The following SERINC2 variants were observed in gnomAD, a reference collection of about 807,000 sequenced individuals.
The protein encoded by SERINC2 is tumor differentially expressed protein 2.
In SERINC2, 56 loss-of-function variants were observed where a neutral mutation model predicts 54.2. The ratio of observed to expected loss-of-function variants is 1.03; its 90% confidence interval spans 0.83 to 1.29. The LOEUF (loss-of-function observed/expected upper bound fraction) is 1.29, where lower values mean the gene tolerates loss of function less well. Ranked by LOEUF, SERINC2 falls within the 50% of genes most tolerant of loss-of-function variation. SERINC2 has a pLI of 0.00. For missense variants in SERINC2, 614 were observed against 607.4 expected (o/e 1.01, Z -0.12); for synonymous variants, 272 against 253.1 (o/e 1.07, Z -0.71).
chr1:31,413,731 CTCCTGGCG>C lies in SERINC2; in HGVS notation c.39+428_39+435del. 1 of 1,315,404 alleles carries C rather than the reference CTCCTGGCG, an allele frequency of 7.6e-7. No individual in the cohort carries two copies. Among genetic ancestry groups the C allele is most frequent in the Non-Finnish European group, 9.6e-7 (1 of 1,036,388 alleles). 81.5% of individuals were successfully genotyped at this position (1,315,404 alleles called of 1,614,324 possible). A position where few individuals can be genotyped will look rare whatever the true frequency, so the allele number is the denominator to read the frequency against. ...TGTGTAGGTCGCCCGGGCCCCGTCC[CTCCTGGCG>C]AGTGCCCTGCCCTACCCCTCTGGCC... On this transcript the variant is annotated intron_variant, in intron 1 of 9. Transcript: ENST00000373709. The surrounding 1 kb of genome is among the most constrained non-coding windows in gnomAD (Gnocchi z 5.0).
chr1:31,427,257 C>G (rs182231046), intron 6 of SERINC2, among the ~76,000 whole-genome samples: 65 of 152,258 alleles, frequency 4.3e-4, no homozygotes, highest in African/African-American at 1.5e-3. Context: ...TAGGAAGGTG[C>G]AATTTCACAT....
chr1:31,413,977 C>T lies in SERINC2; in HGVS notation c.39+673C>T, dbSNP rs782382257. On this transcript the variant is annotated intron_variant, in intron 1 of 9. Coordinates refer to ENST00000373709, the MANE Select transcript of SERINC2 (RefSeq NM_178865.5). This position sits in a 1 kb window ranked among gnomAD's most constrained non-coding sequence, Gnocchi z 5.0. ...CTGCCTCTCAGGCACTTCCCCAGCT[C>T]GCCCCGGATCATCTGGGCCCCAGCG... The T allele has an allele frequency of 1.3e-4, 206 of 1,529,094 alleles. No homozygotes were observed. Among genetic ancestry groups the T allele is most frequent in the Non-Finnish European group, 3.2e-5 (37 of 1,144,400 alleles). The allele number at this position is 1,529,094 out of a possible 1,614,324, so 94.7% of individuals were successfully genotyped here. A position where few individuals can be genotyped will look rare whatever the true frequency, so the allele number is the denominator to read the frequency against.
At chr1:31,428,282 T>C (rs1641097452) in intron 6 of SERINC2, among the ~76,000 whole-genome samples, 1 of 151,934 alleles carries the variant, frequency 6.6e-6, no homozygotes, top group African/African-American at 2.4e-5. Context: ...TCAAACCATC[T>C]GCCCGCCTCA....
intron 4 of SERINC2, among the ~76,000 whole-genome samples, 153 bp downstream of exon 4, chr1:31,425,562 T>C (rs1410887163): frequency 6.6e-6 from 1 of 152,146 alleles, no homozygotes; most frequent in Non-Finnish European, 1.5e-5. Context: ...AGCACTGTGG[T>C]GCTTGGCCAC....
intron 8 of SERINC2, among the ~76,000 whole-genome samples, chr1:31,431,956 G>C (rs868929254): frequency 4.8e-5 from 7 of 145,502 alleles, no homozygotes; most frequent in African/African-American, 1.5e-4. Flanking sequence ...GGTTAGGGTG[G>C]TTAGGGTGGA....
At chr1:31,414,609 GTGTGCGTGTGCA>G (rs1342645895) in intron 1 of SERINC2, 7 of 985,824 alleles carry the variant, frequency 7.1e-6, no homozygotes, top group East Asian at 1.1e-4. Context: ...TCGTGTGTGT[GTGTGCGTGTGCA>G]TGTGCGTGTG....
intron 6 of SERINC2, among the ~76,000 whole-genome samples, chr1:31,427,763 G>T (rs551251357): frequency 6.6e-6 from 1 of 151,958 alleles, no homozygotes; most frequent in African/African-American, 2.4e-5. Context: ...GGGGAGCTGG[G>T]ATTCAAACCC....
intron 8 of SERINC2, among the ~76,000 whole-genome samples, chr1:31,432,505 C>T (rs543803175): frequency 2.0e-5 from 3 of 152,086 alleles, no homozygotes; most frequent in South Asian, 2.1e-4. Context: ...AACTTAAAAT[C>T]AATGGCAAAT....
chr1:31,417,849 A>ATTTTTTTTTT (rs1640815588), intron 1 of SERINC2, among the ~76,000 whole-genome samples: 1 of 65,850 alleles, frequency 1.5e-5, no homozygotes, highest in Admixed American at 2.0e-4. Context: ...TCAAAATTTC[A>ATTTTTTTTTT]TTCTTTTTTT....
rs782516793 is a variant in SERINC2 at position 31,425,415 on chromosome 1, C to T, written c.472+6C>T. 2.1e-5 allele frequency: 34 copies of T among 1,600,098 alleles called. No individual in the cohort carries two copies. The highest frequency in any genetic ancestry group is 4.5e-5 in the East Asian group (2 of 44,824). On this transcript the variant is annotated splice_donor_region_variant and intron_variant, in intron 4 of 9. Transcript: ENST00000373709. ...TGACGGCTCCTTCACCAACAGTAGG[C>T]GGACTTGGCAGGAGGCATGGGGGGC... is the stretch of plus-strand genomic sequence containing the variant.
At chr1:31,409,933 C>T (rs2148507210), upstream of SERINC2, 2 of 1,303,882 alleles carry the variant, frequency 1.5e-6, no homozygotes, top group South Asian at 1.4e-5. Context: ...GATTTGAAAA[C>T]TCAGGCCCAG....
Position 31,424,752 on chromosome 1 carries a change from C to T in SERINC2, c.271C>T (p.Leu91=). ...VLQGHIDCGS[L]LGYRAVYRMC... is the part of the protein sequence containing the mutation. ...GCAGGGCCACATCGACTGTGGCTCCCTGCTTGGCTACCGCGCTGTCTACCG... is the reference window on the plus strand; with the variant it reads ...GCAGGGCCACATCGACTGTGGCTCCTTGCTTGGCTACCGCGCTGTCTACCG... The change falls in exon 3 of 10, where the codon CTG becomes TTG. Residue 91 remains leucine (L), a synonymous_variant. Transcript: ENST00000373709. 1 of 1,611,276 alleles carries T rather than the reference C, an allele frequency of 6.2e-7. No homozygotes were observed. Among genetic ancestry groups the T allele is most frequent in the Non-Finnish European group, 8.5e-7 (1 of 1,178,996 alleles).
At chr1:31,433,779 A>C (rs1374653575) in intron 9 of SERINC2, among the ~76,000 whole-genome samples, 2 of 152,112 alleles carry the variant, frequency 1.3e-5, no homozygotes, top group Non-Finnish European at 2.9e-5. Context: ...CAGGGTCCCA[A>C]GTTCAGAGGC....
chr1:31,433,048 G>GCAA lies in SERINC2; in HGVS notation c.1097_1098insACA (p.Gln368dup), dbSNP rs1641364153. The GCAA allele has an allele frequency of 6.2e-7, 1 of 1,612,630 alleles. No homozygotes were observed. Among genetic ancestry groups the GCAA allele is most frequent in the African/African-American group, 1.3e-5 (1 of 74,914 alleles). On this transcript the variant is annotated inframe_insertion, in exon 9 of 10. Coordinates refer to ENST00000373709, the MANE Select transcript of SERINC2 (RefSeq NM_178865.5). Reference sequence around the variant, plus strand: ...CACCTATGCTAGACGCCACACAGCAGCAGCAGCAGGTGGCAGCCTGTGAGG... The same window carrying GCAA: ...CACCTATGCTAGACGCCACACAGCAGCAACAGCAGCAGGTGGCAGCCTGTGAGG...
chr1:31,433,183 C>A lies in SERINC2; in HGVS notation c.1230C>A (p.Tyr410Ter). ...TCATGATGACGCTCACCAACTGGTA[C>A]AAGTGCGTAGCTGGTGGGGCATGGA... ...LHVMMTLTNW[Y>*]KPGETRKMIS... The change falls in exon 9 of 10, where the codon TAC (tyrosine) becomes TAA (stop). Residue 410 changes from tyrosine (Y) to a stop codon, truncating the protein, a stop_gained and splice_region_variant. Transcript: ENST00000373709. LOFTEE classifies it high-confidence loss of function. The A allele has an allele frequency of 1.2e-6, 2 of 1,612,962 alleles. No homozygotes were observed. The highest frequency in any genetic ancestry group is 1.7e-6 in the Non-Finnish European group (2 of 1,179,420).
Position 31,423,817 on chromosome 1 carries a change from T to C in SERINC2, c.164T>C (p.Ile55Thr). Residue 55 changes from isoleucine (I) to threonine (T), a missense_variant, in exon 2 of 10, where the codon ATT (isoleucine) becomes ACT (threonine). Physicochemically the swap from Ile to Thr is moderately conservative, Grantham distance 89 (BLOSUM62 -1). Transcript: ENST00000373709. The stretch of plus-strand genomic sequence containing the variant: ...TTCCTGGGGGTGCTGGTGTCCATCA[T>C]TATGCTGAGCCCGGGCGTGGAGAGT... ...FLFLGVLVSI[I>T]MLSPGVESQL... The C allele has an allele frequency of 1.2e-6, 2 of 1,614,016 alleles. No individual in the cohort carries two copies. Among genetic ancestry groups the C allele is most frequent in the South Asian group, 1.1e-5 (1 of 91,072 alleles).
rs1553134741 is a variant in SERINC2, at chr1:31,432,154, GAC to G, written c.1014-811_1014-810del. 8.4e-5 allele frequency among the ~76,000 whole-genome samples: 12 copies of G among 142,566 alleles called. 1 individual carries two copies. The highest frequency in any genetic ancestry group is 1.4e-4 in the Admixed American group (2 of 14,362). The allele number at this position is 142,566 out of a possible 152,430, so 93.5% of individuals were successfully genotyped here. On this transcript the variant is annotated intron_variant, in intron 8 of 9. Transcript: ENST00000373709. ...TAGGGTGGACAGGGTGGACAGGGTG[GAC>G]AGGGTGGATAGGGTGGATAGGGTGG...
At chr1:31,426,024 C>G in intron 5 of SERINC2, 111 bp downstream of exon 5, 1 of 1,128,772 alleles carries the variant, frequency 8.9e-7, no homozygotes, top group Non-Finnish European at 1.3e-6. Flanking sequence ...GCATCCCTAG[C>G]AGCCACTGCC....
Position 31,433,049 on chromosome 1 carries a change from C to CAGA in SERINC2, c.1098_1099insAAG (p.Gln366_Gln367insLys), listed in dbSNP as rs1553135043. The CAGA allele has an allele frequency of 6.2e-7, 1 of 1,613,164 alleles. No individual in the cohort carries two copies. Among genetic ancestry groups the CAGA allele is most frequent in the Middle Eastern group, 1.6e-4 (1 of 6,062 alleles). ...ACCTATGCTAGACGCCACACAGCAG[C>CAGA]AGCAGCAGGTGGCAGCCTGTGAGGG... On this transcript the variant is annotated inframe_insertion, in exon 9 of 10. Transcript: ENST00000373709.
Sources: gnomAD v4.1 joint callset for allele counts (sites outside exome capture counted in the v4.1 genomes callset) on GRCh38, gnomAD v4.1.1 for gene constraint, Gnocchi (gnomAD v3.1) non-coding constraint, MANE v1.5 for transcripts, NCBI Gene and HGNC (gene_info 2026-07-23, HGNC 2026-07-21) for gene names.